The following KHDRBS2 variants were observed in gnomAD, a reference collection of about 807,000 sequenced individuals.
The protein encoded by KHDRBS2 is KH domain-containing, RNA-binding, signal transduction-associated protein 2.
Under a neutral mutation model 44.3 loss-of-function variants are expected in KHDRBS2, and 26 were observed. The ratio of observed to expected loss-of-function variants is 0.59; its 90% CI spans 0.43 to 0.81. KHDRBS2 has a LOEUF of 0.81. Ranked by LOEUF, KHDRBS2 falls within the 40% of genes least tolerant of loss-of-function variation. The pLI is 0.00. For missense variants in KHDRBS2, 476 were observed against 433.1 expected (o/e 1.10, Z -0.88); for synonymous variants, 194 against 151.1 (o/e 1.28, Z -2.08).
At chr6:61,766,944 A>C (rs1352378304) in intron 6 of KHDRBS2, among the ~76,000 whole-genome samples, 8 of 152,076 alleles carry the variant, frequency 5.3e-5, no homozygotes, top group Non-Finnish European at 1.2e-4. Flanking sequence ...ATTGAATGAA[A>C]TGTTCTGTAA....
At chr6:61,944,349 G>A (rs1010133643) in intron 4 of KHDRBS2, among the ~76,000 whole-genome samples, 1 of 152,066 alleles carries the variant, frequency 6.6e-6, no homozygotes, top group Non-Finnish European at 1.5e-5. Flanking sequence ...CATTTCATTT[G>A]TAGCAACATA....
intron 6 of KHDRBS2, among the ~76,000 whole-genome samples, chr6:61,764,704 T>C (rs1779742691): frequency 6.6e-6 from 1 of 152,170 alleles, no homozygotes; most frequent in Non-Finnish European, 1.5e-5. Flanking sequence ...TCATGTCCTT[T>C]GCACACTTTT....
chr6:61,658,543 C>A, the KHDRBS2 span, among the ~76,000 whole-genome samples: 3,724 of 151,872 alleles, frequency 0.025, 72 homozygotes, highest in Middle Eastern at 0.082. Context: ...ATTTTAATCC[C>A]CTGGTTGTTA....
chr6:61,777,589 GT>G (rs1227124283), intron 6 of KHDRBS2, among the ~76,000 whole-genome samples: 5 of 152,094 alleles, frequency 3.3e-5, no homozygotes, highest in African/African-American at 1.2e-4. Flanking sequence ...GAATTTTCAA[GT>G]GACACAACAA....
At chr6:61,724,622 C>T (rs1427085500) in intron 7 of KHDRBS2, among the ~76,000 whole-genome samples, 1 of 151,996 alleles carries the variant, frequency 6.6e-6, no homozygotes, top group Non-Finnish European at 1.5e-5. Context: ...GGAGAATTTA[C>T]CAAGCAAACG....
chr6:61,935,973 T>A (rs781094538), intron 4 of KHDRBS2, among the ~76,000 whole-genome samples: 1 of 152,104 alleles, frequency 6.6e-6, no homozygotes, highest in Non-Finnish European at 1.5e-5. Context: ...CTTTTCCAGA[T>A]GTAAATTGAA....
At chr6:61,661,437 C>T in the KHDRBS2 span, 2 of 151,902 alleles carry the variant, frequency 1.3e-5, no homozygotes, top group African/African-American at 4.8e-5. Flanking sequence ...AAGGCATTCT[C>T]ATATTGGATG....
intron 6 of KHDRBS2, among the ~76,000 whole-genome samples, chr6:61,831,987 TC>T (rs1252299874): frequency 4.6e-5 from 7 of 152,166 alleles, no homozygotes; most frequent in African/African-American, 1.7e-4. Context: ...ATGCCTGTAA[TC>T]CCAGAATTTT....
At chr6:61,564,232 C>T in the KHDRBS2 span, among the ~76,000 whole-genome samples, 92 of 152,218 alleles carry the variant, frequency 6.0e-4, 3 homozygotes, top group East Asian at 0.014. Context: ...TTTTATTAAG[C>T]ATCTACCACA....
At chr6:61,786,734 G>A (rs1337403821) in intron 6 of KHDRBS2, among the ~76,000 whole-genome samples, 1 of 151,822 alleles carries the variant, frequency 6.6e-6, no homozygotes, top group Non-Finnish European at 1.5e-5. Flanking sequence ...GCAGTTAGTC[G>A]TGGTAAGTAA....
chr6:61,775,855 C>A (rs971980534), intron 6 of KHDRBS2, among the ~76,000 whole-genome samples: 1 of 152,300 alleles, frequency 6.6e-6, no homozygotes, highest in African/African-American at 2.4e-5. Context: ...GTCAAAAGAA[C>A]AAAGCTGGAG....
At chr6:61,566,056 G>A in the KHDRBS2 span, among the ~76,000 whole-genome samples, 7 of 151,752 alleles carry the variant, frequency 4.6e-5, no homozygotes, top group South Asian at 1.5e-3. Flanking sequence ...GGAATATTAT[G>A]CAGCCATACA....
At chr6:61,598,433 T>C in the KHDRBS2 span, among the ~76,000 whole-genome samples, 1 of 152,222 alleles carries the variant, frequency 6.6e-6, no homozygotes, top group Non-Finnish European at 1.5e-5. Context: ...CCCACATTTC[T>C]GTCCAGTTGT....
chr6:61,711,181 A>G (rs192494188), intron 7 of KHDRBS2, among the ~76,000 whole-genome samples: 466 of 151,810 alleles, frequency 3.1e-3, no homozygotes, highest in Middle Eastern at 6.8e-3. Context: ...CTGACAGTAC[A>G]GACACATAGA....
intron 1 of KHDRBS2, among the ~76,000 whole-genome samples, chr6:62,252,964 T>G: frequency 6.6e-6 from 1 of 152,038 alleles, no homozygotes; most frequent in Non-Finnish European, 1.5e-5. Flanking sequence ...ATAGAGCAAC[T>G]GAAGCAACTA....
At chr6:61,795,469 T>C (rs1162448234) in intron 6 of KHDRBS2, among the ~76,000 whole-genome samples, 1 of 149,998 alleles carries the variant, frequency 6.7e-6, no homozygotes, top group African/African-American at 2.5e-5. Flanking sequence ...CACAAGTGCT[T>C]GCACATCTTA....
intron 6 of KHDRBS2, among the ~76,000 whole-genome samples, chr6:61,772,938 A>G (rs569310054): frequency 1.7e-4 from 26 of 151,932 alleles, no homozygotes; most frequent in African/African-American, 5.6e-4. Context: ...ATGATTTCCA[A>G]TTTCATCCAT....
chr6:61,994,739 A>G (rs1374145912), intron 3 of KHDRBS2, among the ~76,000 whole-genome samples: 1 of 152,198 alleles, frequency 6.6e-6, no homozygotes, highest in Non-Finnish European at 1.5e-5. Flanking sequence ...GTAAGGATGC[A>G]AAATATTTAT....
At chr6:62,094,309 T>C (rs1800109882) in intron 2 of KHDRBS2, among the ~76,000 whole-genome samples, 1 of 151,920 alleles carries the variant, frequency 6.6e-6, no homozygotes, top group African/African-American at 2.4e-5. Context: ...CATTTTTTCA[T>C]ATGTCTCCTG....
Sources: allele counts gnomAD v4.1 joint callset (sites outside exome capture counted in the v4.1 genomes callset), GRCh38; gene constraint gnomAD v4.1.1; transcripts MANE v1.5; gene names NCBI Gene and HGNC (gene_info 2026-07-23, HGNC 2026-07-21).